Variants in GRIK4 observed in about 807,000 individuals in gnomAD.
GRIK4 encodes glutamate ionotropic receptor kainate type subunit 4.
In GRIK4, 40 loss-of-function variants were observed where a neutral mutation model predicts 104.9. The ratio of observed to expected loss-of-function variants is 0.38; its 90% CI spans 0.30 to 0.50. The LOEUF (loss-of-function observed/expected upper bound fraction) is 0.50. Among genes scored for constraint, GRIK4 ranks in the 20% least tolerant of loss-of-function variants. GRIK4 has a pLI of 0.93. For missense variants in GRIK4, 1,047 were observed against 1,308.1 expected, an observed-to-expected ratio of 0.80 and a Z score of 3.08; for synonymous variants, 485 against 524.9, an observed-to-expected ratio of 0.92 and a Z score of 1.04.
rs375715018 is a variant in GRIK4, at chr11:120,597,176, T to C, written c.-158-56509T>C. ...AGGGCAGCCCCAGGTAGCTTTGTTC[T>C]TGGGCCCCTGGATGCCAGAGGCAGC... is the stretch of plus-strand genomic sequence containing the variant. On this transcript the variant is annotated intron_variant, in intron 1 of 20. Coordinates refer to ENST00000527524, the MANE Select transcript of GRIK4 (RefSeq NM_014619.5). Among the ~76,000 whole-genome samples the C allele has an allele frequency of 2.0e-4, 30 of 150,612 alleles. No homozygotes were observed. The East Asian group carries it at 5.5e-3, about 28-fold the overall frequency.
chr11:120,860,293 T>A (rs1457293198), intron 8 of GRIK4, among the ~76,000 whole-genome samples: 1 of 151,852 alleles, frequency 6.6e-6, no homozygotes, highest in African/African-American at 2.4e-5. Flanking sequence ...ATCAGTGAGC[T>A]GAATAATCTA....
chr11:120,632,272 C>T (rs117584168), intron 1 of GRIK4, among the ~76,000 whole-genome samples: 3 of 152,266 alleles, frequency 2.0e-5, no homozygotes, highest in Non-Finnish European at 2.9e-5. Flanking sequence ...CTGACCATGT[C>T]GCACCTTGAT....
At chr11:120,868,909 A>G (rs73007811) in intron 9 of GRIK4, 5,669 of 152,314 alleles carry the variant, frequency 0.037, 152 homozygotes, top group Non-Finnish European at 0.057. Flanking sequence ...TGTAACAGAA[A>G]CTGCTTCTCC....
chr11:120,947,886 T>C (rs551961822), intron 14 of GRIK4, among the ~76,000 whole-genome samples: 1 of 152,284 alleles, frequency 6.6e-6, no homozygotes, highest in African/African-American at 2.4e-5. Context: ...AGGATTAGAA[T>C]GTAGGTCTCC....
At chr11:120,771,545 G>T (rs1441836142) in intron 3 of GRIK4, among the ~76,000 whole-genome samples, 19 of 152,196 alleles carry the variant, frequency 1.2e-4, no homozygotes. Flanking sequence ...AGGGAAAGGA[G>T]AATTTAAATA....
intron 3 of GRIK4, among the ~76,000 whole-genome samples, chr11:120,787,552 C>T (rs1952307040): frequency 6.6e-6 from 1 of 151,500 alleles, no homozygotes. Context: ...GCAACCTCTG[C>T]CTCCTGGGTT....
intron 3 of GRIK4, among the ~76,000 whole-genome samples, chr11:120,738,039 A>G (rs978512856): frequency 3.9e-5 from 6 of 152,086 alleles, no homozygotes; most frequent in Non-Finnish European, 7.4e-5. Context: ...CAGACAGCCC[A>G]GGACTGAGCC....
At chr11:120,512,898 C>T (rs909939775) in intron 1 of GRIK4, among the ~76,000 whole-genome samples, 21 of 152,124 alleles carry the variant, frequency 1.4e-4, no homozygotes, top group Admixed American at 2.0e-4. Context: ...GGCTGGGCCC[C>T]GGGCGCCTCT....
intron 14 of GRIK4, among the ~76,000 whole-genome samples, chr11:120,947,376 T>A (rs1449352670): frequency 6.9e-6 from 1 of 145,298 alleles, no homozygotes; most frequent in Non-Finnish European, 1.5e-5. Flanking sequence ...CACTCTAGCC[T>A]GGGCAACAGA....
intron 3 of GRIK4, among the ~76,000 whole-genome samples, chr11:120,740,546 G>C (rs1388960354): frequency 6.6e-6 from 1 of 152,222 alleles, no homozygotes; most frequent in African/African-American, 2.4e-5. Context: ...TAGGGCCCCA[G>C]CTGGCAGAGG....
intron 1 of GRIK4, among the ~76,000 whole-genome samples, chr11:120,652,310 C>T (rs1301369545): frequency 1.3e-5 from 2 of 152,204 alleles, no homozygotes; most frequent in Non-Finnish European, 2.9e-5. Flanking sequence ...GACTGCAGCT[C>T]AGAGAGTTGA....
At chr11:120,612,288 A>G (rs1591738267) in intron 1 of GRIK4, among the ~76,000 whole-genome samples, 1 of 152,196 alleles carries the variant, frequency 6.6e-6, no homozygotes, top group Admixed American at 6.5e-5. Context: ...TGAATGAATG[A>G]TAAATTTCCT....
intron 12 of GRIK4, among the ~76,000 whole-genome samples, chr11:120,901,982 C>T (rs577162612): frequency 3.9e-4 from 60 of 152,292 alleles, no homozygotes; most frequent in South Asian, 1.2e-3. Flanking sequence ...TTTTCTTGCG[C>T]GTGTGTGCCT....
chr11:120,603,300 GGCTCGAGAGTGTGAATCT>G (rs1016165637), intron 1 of GRIK4, among the ~76,000 whole-genome samples: 3 of 152,210 alleles, frequency 2.0e-5, no homozygotes, highest in Non-Finnish European at 4.4e-5. Context: ...TGGCTTGGTC[GGCTCGAGAGTGTGAATCT>G]GCACATCTCT....
At chr11:120,638,764 A>G (rs1470999322) in intron 1 of GRIK4, among the ~76,000 whole-genome samples, 1 of 151,700 alleles carries the variant, frequency 6.6e-6, no homozygotes, top group Non-Finnish European at 1.5e-5. Flanking sequence ...GGCGTGAGCC[A>G]CCGCGCCTGG....
intron 1 of GRIK4, among the ~76,000 whole-genome samples, chr11:120,551,950 C>A (rs73000611): frequency 3.3e-5 from 5 of 152,158 alleles, no homozygotes; most frequent in Non-Finnish European, 5.9e-5. Context: ...ATAAGCCCTG[C>A]GGCCCTTCCC....
chr11:120,949,043 G>T (rs1479017227), intron 14 of GRIK4, among the ~76,000 whole-genome samples: 2 of 152,294 alleles, frequency 1.3e-5, no homozygotes, highest in Non-Finnish European at 2.9e-5. Context: ...CCTGGCTCCG[G>T]TGTCCCCATG....
At chr11:120,599,882 C>T (rs1012407310) in intron 1 of GRIK4, among the ~76,000 whole-genome samples, 12 of 152,322 alleles carry the variant, frequency 7.9e-5, no homozygotes, top group Non-Finnish European at 1.6e-4. Context: ...AACCCCTGCC[C>T]CAGAGCCCGT....
chr11:120,631,719 A>T (rs1274630895), intron 1 of GRIK4, among the ~76,000 whole-genome samples: 2 of 152,176 alleles, frequency 1.3e-5, no homozygotes, highest in Non-Finnish European at 2.9e-5. Flanking sequence ...TTTAGGGCTG[A>T]TTATTAGGAT....
Sources: gnomAD v4.1 joint callset for allele counts (sites outside exome capture counted in the v4.1 genomes callset) on GRCh38, gnomAD v4.1.1 for gene constraint, MANE v1.5 for transcripts, NCBI Gene and HGNC (gene_info 2026-07-23, HGNC 2026-07-21) for gene names.